NSMCE2: variants seen among roughly 807,000 people sequenced by gnomAD.
NSMCE2 encodes the protein E3 SUMO-protein ligase NSE2.
A neutral mutation model predicts 23.8 loss-of-function variants in NSMCE2; 24 were observed. The observed-to-expected ratio is 1.01, with a 90% CI of 0.73 to 1.42. The LOEUF (loss-of-function observed/expected upper bound fraction) is 1.42. NSMCE2 is among the 40% of genes most tolerant of loss of function. The probability of loss-of-function intolerance (pLI) is 0.00; values close to 1 mark genes in which losing one functional copy is unlikely to be tolerated. For missense variants in NSMCE2, 284 were observed against 296.5 expected, an observed-to-expected ratio of 0.96 and a Z score of 0.31; for synonymous variants, 92 against 94.1, an observed-to-expected ratio of 0.98 and a Z score of 0.13.
chr8:125,171,391 A>G lies in NSMCE2; in HGVS notation c.265-10712A>G, dbSNP rs144919737. On this transcript the variant is annotated intron_variant, in intron 4 of 7. Transcript: ENST00000287437. ...TATGTCATGGACTTAGCGATATAAC[A>G]GACCTGCTAATGCAGTCAGTCCTAG... Among the ~76,000 whole-genome samples, 614 of 152,324 alleles carry G rather than the reference A, an allele frequency of 4.0e-3. 7 individuals carry two copies. Among genetic ancestry groups the G allele is most frequent in the African/African-American group, 0.013 (539 of 41,572 alleles).
chr8:125,232,751 A>G (rs1825380746), intron 5 of NSMCE2, among the ~76,000 whole-genome samples: 1 of 151,998 alleles, frequency 6.6e-6, no homozygotes, highest in African/African-American at 2.4e-5. Flanking sequence ...GCCAACATGT[A>G]TTTATTTTCT....
chr8:125,207,659 T>G (rs1169007648), intron 5 of NSMCE2, among the ~76,000 whole-genome samples: 3 of 152,224 alleles, frequency 2.0e-5, no homozygotes, highest in Non-Finnish European at 4.4e-5. Flanking sequence ...TAACCATTTA[T>G]TTGGCTCGTG....
intron 5 of NSMCE2, among the ~76,000 whole-genome samples, chr8:125,303,653 C>A (rs1269837335): frequency 2.0e-5 from 3 of 151,942 alleles, no homozygotes; most frequent in African/African-American, 7.3e-5. Flanking sequence ...CTATATATTC[C>A]AATTGCTGTA....
At position 125,151,117 on chromosome 8, in the gene NSMCE2, C is replaced by G. The variant is rs1408763852; in HGVS notation, c.158-54C>G. On this transcript the variant is annotated intron_variant, in intron 3 of 7. Coordinates refer to ENST00000287437, the MANE Select transcript of NSMCE2 (RefSeq NM_173685.4). ...GTAGATTGTATTGATGCAACTTTTT[C>G]CAGATATGGCATTTTAAATGGAAAA... The G allele has an allele frequency of 6.2e-5, 56 of 898,792 alleles. No homozygotes were observed. In the South Asian group the frequency reaches 7.0e-4, roughly 11 times the overall value. 55.7% of individuals were successfully genotyped at this position (898,792 alleles called of 1,614,324 possible). A position where few individuals can be genotyped will look rare whatever the true frequency, so the allele number is the denominator to read the frequency against.
At position 125,340,924 on chromosome 8, in the gene NSMCE2, C is replaced by G. The variant is rs117723884; in HGVS notation, c.419-16295C>G. On this transcript the variant is annotated intron_variant, in intron 5 of 7. Transcript: ENST00000287437. ...TAATTACATCCCCTGCATAATTTCT[C>G]TGCCTCCTTGATGTTCACCTTTCAT... Among the ~76,000 whole-genome samples, 16 of 152,282 alleles carry G rather than the reference C, an allele frequency of 1.1e-4. No individual in the cohort carries two copies. In the East Asian group the frequency reaches 2.9e-3, roughly 28 times the overall value.
chr8:125,165,898 A>T (rs540173979), intron 4 of NSMCE2, among the ~76,000 whole-genome samples: 1 of 152,306 alleles, frequency 6.6e-6, no homozygotes, highest in South Asian at 2.1e-4. Context: ...GAGCCATATT[A>T]ATTATAGAGA....
chr8:125,241,901 G>A (rs1030950206), intron 5 of NSMCE2, among the ~76,000 whole-genome samples: 23 of 152,162 alleles, frequency 1.5e-4, no homozygotes, highest in African/African-American at 5.3e-4. Flanking sequence ...CAAGTCTAGT[G>A]GTGTTGACTT....
At chr8:125,164,222 A>G (rs1821760794) in intron 4 of NSMCE2, among the ~76,000 whole-genome samples, 1 of 152,174 alleles carries the variant, frequency 6.6e-6, no homozygotes, top group Non-Finnish European at 1.5e-5. Flanking sequence ...GACCTTACAA[A>G]GTTAGGAAAG....
At chr8:125,119,295 A>G (rs1319184124) in intron 3 of NSMCE2, among the ~76,000 whole-genome samples, 3 of 152,206 alleles carry the variant, frequency 2.0e-5, no homozygotes, top group African/African-American at 7.2e-5. Context: ...GGAAATAATT[A>G]CTTGCTGTGT....
intron 5 of NSMCE2, among the ~76,000 whole-genome samples, chr8:125,334,529 C>T (rs1354671655): frequency 6.6e-6 from 1 of 152,134 alleles, no homozygotes; most frequent in African/African-American, 2.4e-5. Flanking sequence ...ACGTTGAGAG[C>T]GGGATGTGTG....
intron 5 of NSMCE2, among the ~76,000 whole-genome samples, chr8:125,295,115 C>T (rs1445372305): frequency 1.3e-5 from 2 of 152,246 alleles, no homozygotes; most frequent in South Asian, 2.1e-4. Context: ...AGGAAAGAAC[C>T]TTTTTATAAC....
chr8:125,167,882 A>G (rs1034907745), intron 4 of NSMCE2, among the ~76,000 whole-genome samples: 2 of 152,154 alleles, frequency 1.3e-5, no homozygotes, highest in Non-Finnish European at 2.9e-5. Context: ...GAAAGGGTAG[A>G]CAGAACTTTA....
chr8:125,166,997 A>C (rs1373353275), intron 4 of NSMCE2, among the ~76,000 whole-genome samples: 3 of 152,174 alleles, frequency 2.0e-5, no homozygotes, highest in Non-Finnish European at 4.4e-5. Flanking sequence ...GTGACAGAGT[A>C]AGATGTCTCA....
At chr8:125,092,502 C>A (rs1312664900) in intron 1 of NSMCE2, among the ~76,000 whole-genome samples, 1 of 152,084 alleles carries the variant, frequency 6.6e-6, no homozygotes, top group Non-Finnish European at 1.5e-5. Context: ...GACATGTGAG[C>A]AAATAGTTGT....
chr8:125,157,055 A>G (rs1821359271), intron 4 of NSMCE2, among the ~76,000 whole-genome samples: 1 of 152,194 alleles, frequency 6.6e-6, no homozygotes, highest in Non-Finnish European at 1.5e-5. Flanking sequence ...AACCTATTAT[A>G]TATGACCACT....
intron 3 of NSMCE2, among the ~76,000 whole-genome samples, chr8:125,109,430 T>C (rs1277251860): frequency 6.6e-6 from 1 of 152,202 alleles, no homozygotes; most frequent in Non-Finnish European, 1.5e-5. Context: ...GAGATTAAAG[T>C]GCAGAAGAGC....
intron 5 of NSMCE2, among the ~76,000 whole-genome samples, chr8:125,326,775 G>T (rs754742955): frequency 6.6e-6 from 1 of 151,214 alleles, no homozygotes; most frequent in Non-Finnish European, 1.5e-5. Flanking sequence ...GGCCAATGTG[G>T]CAAAACACCA....
rs1818631889 is a variant in NSMCE2, at chr8:125,109,633, A to G, written c.157+7146A>G. The stretch of plus-strand genomic sequence containing the variant: ...TTTCCTGTTGTTGTATTATTAAGTT[A>G]TTGGTAAAGGAGATTCTTGCTCCCA... On this transcript the variant is annotated intron_variant, in intron 3 of 7. Transcript: ENST00000287437. Among the ~76,000 whole-genome samples, 3 of 152,164 alleles carry G rather than the reference A, an allele frequency of 2.0e-5. No homozygotes were observed. The South Asian group carries it at 6.2e-4, about 31-fold the overall frequency.
Position 125,366,826 on chromosome 8 carries a change from G to C in NSMCE2, c.685G>C (p.Glu229Gln). 2 of 1,613,760 alleles carry C rather than the reference G, an allele frequency of 1.2e-6. No individual in the cohort carries two copies. The highest frequency in any genetic ancestry group is 1.7e-6 in the Non-Finnish European group (2 of 1,179,650). ...AAGAAAGTCAGATCTTATCCAGGATGAAGCACTTAGAAGGGCAATTGAGAA... is the reference window on the plus strand; with the variant it reads ...AAGAAAGTCAGATCTTATCCAGGATCAAGCACTTAGAAGGGCAATTGAGAA... ...DIRKSDLIQD[E>Q]ALRRAIENHN... Residue 229 changes from glutamate (E) to glutamine (Q), a missense_variant, in exon 8 of 8, where the codon GAA becomes CAA. Coordinates refer to ENST00000287437, the MANE Select transcript of NSMCE2 (RefSeq NM_173685.4).
Sources: gnomAD v4.1 joint callset for allele counts (sites outside exome capture counted in the v4.1 genomes callset) on GRCh38, gnomAD v4.1.1 for gene constraint, MANE v1.5 for transcripts, NCBI Gene and HGNC (gene_info 2026-07-23, HGNC 2026-07-21) for gene names.